Variants in SLC35A3 observed in about 807,000 individuals in gnomAD.
SLC35A3 encodes UDP-N-acetylglucosamine transporter.
Under a neutral mutation model 39.0 loss-of-function variants are expected in SLC35A3, and 26 were observed. That is an observed-to-expected ratio of 0.67 (90% CI 0.49 to 0.92). The LOEUF is 0.92. Ranked by LOEUF, SLC35A3 falls within the 40% of genes least tolerant of loss-of-function variation. The pLI, the probability that SLC35A3 is intolerant of heterozygous loss-of-function variation, is 0.00. For missense variants in SLC35A3, 299 were observed against 371.6 expected (o/e 0.80, Z 1.61); for synonymous variants, 135 against 133.1 (o/e 1.01, Z -0.10).
intron 1 of SLC35A3, among the ~76,000 whole-genome samples, chr1:99,986,505 G>T (rs1162597415): frequency 6.6e-6 from 1 of 151,922 alleles, no homozygotes; most frequent in Admixed American, 6.6e-5. Context: ...TTATTATGGG[G>T]AATGTTTATA....
rs977591028 is a variant in SLC35A3 at position 100,023,259 on chromosome 1, A to G, written c.*783A>G. 6.6e-6 allele frequency: 1 copy of G among 152,190 alleles called. No individual in the cohort carries two copies. Among genetic ancestry groups the G allele is most frequent in the Non-Finnish European group, 1.5e-5 (1 of 68,036 alleles). The allele number at this position is 152,190 out of a possible 1,614,324, so 9.4% of individuals were successfully genotyped here. Reference sequence around the variant, plus strand: ...GCATTTCATTTCTGTAAATCAGATTAAGTCCTTAATATTATTTTAAATTAA... The same window carrying G: ...GCATTTCATTTCTGTAAATCAGATTGAGTCCTTAATATTATTTTAAATTAA... On this transcript the variant is annotated 3_prime_UTR_variant, in exon 8 of 8. Transcript: ENST00000533028.
At chr1:99,978,658 C>T (rs566940158) in intron 1 of SLC35A3, among the ~76,000 whole-genome samples, 8 of 152,254 alleles carry the variant, frequency 5.3e-5, no homozygotes, top group South Asian at 2.1e-4. Context: ...GGAAATGTTA[C>T]GGTTAAACAT....
chr1:99,984,874 G>C (rs1039302784), intron 1 of SLC35A3, among the ~76,000 whole-genome samples: 19 of 152,078 alleles, frequency 1.2e-4, no homozygotes, highest in African/African-American at 4.3e-4. Context: ...TTGGCCATTT[G>C]TATATCTTCT....
chr1:100,015,372 AT>A lies in SLC35A3; in HGVS notation c.711del (p.Gln238ArgfsTer6). Reference sequence around the variant, plus strand: ...ATGGAGAACTGGTATCAAAGAATGGATTTTTTCAGGGATATAACCGACTGAC... The same window carrying A: ...ATGGAGAACTGGTATCAAAGAATGGATTTTTCAGGGATATAACCGACTGAC... ...YDGELVSKNGFFQGYNRLTWI... is the reference protein window; with the variant it reads ...YDGELVSKNGXFQGYNRLTWI... On this transcript the variant is annotated frameshift_variant, in exon 6 of 8. Transcript: ENST00000533028. LOFTEE classifies it high-confidence loss of function. 6.2e-7 allele frequency: 1 copy of A among 1,613,198 alleles called. No homozygotes were observed. Among genetic ancestry groups the A allele is most frequent in the Non-Finnish European group, 8.5e-7 (1 of 1,179,692 alleles).
chr1:100,020,613 GAGCT>G (rs1660465977), intron 7 of SLC35A3, among the ~76,000 whole-genome samples: 1 of 152,078 alleles, frequency 6.6e-6, no homozygotes, highest in African/African-American at 2.4e-5. Context: ...GATAATTACT[GAGCT>G]CCCTATATAT....
chr1:99,991,436 G>A (rs149390606), intron 1 of SLC35A3, among the ~76,000 whole-genome samples: 179 of 152,080 alleles, frequency 1.2e-3, no homozygotes, highest in African/African-American at 4.0e-3. Context: ...GAGCCACCGC[G>A]CCCAGCCACC....
intron 1 of SLC35A3, chr1:99,979,045 A>G (rs1285156953): frequency 6.6e-6 from 1 of 152,228 alleles, no homozygotes; most frequent in Non-Finnish European, 1.5e-5. Flanking sequence ...TCCCTTAGGG[A>G]AGAAAAAATA....
intron 1 of SLC35A3, among the ~76,000 whole-genome samples, chr1:99,972,485 A>G (rs578031787): frequency 6.6e-6 from 1 of 151,212 alleles, no homozygotes; most frequent in South Asian, 2.1e-4. Context: ...ACAGGCGTGC[A>G]TCACCACACC....
chr1:100,011,545 A>G lies in SLC35A3; in HGVS notation c.634+12A>G, dbSNP rs763776700. ...AAATATTCAGCTTGGTAAGTTTTAA[A>G]TGTTTTCTAATATTATTTTAAAAAT... On this transcript the variant is annotated intron_variant, in intron 5 of 7. Transcript: ENST00000533028. 4 of 1,076,710 alleles carry G rather than the reference A, an allele frequency of 3.7e-6. No homozygotes were observed. The highest frequency in any genetic ancestry group is 3.9e-6 in the Non-Finnish European group (3 of 767,688). The allele number at this position is 1,076,710 out of a possible 1,614,324, so 66.7% of individuals were successfully genotyped here. A position where few individuals can be genotyped will look rare whatever the true frequency, so the allele number is the denominator to read the frequency against.
chr1:100,005,410 T>C (rs1659151734), intron 3 of SLC35A3, among the ~76,000 whole-genome samples: 1 of 152,264 alleles, frequency 6.6e-6, no homozygotes, highest in Non-Finnish European at 1.5e-5. Flanking sequence ...AACTAACATA[T>C]GTTTTGAGGG....
At chr1:100,013,187 TA>T (rs1265303232) in intron 5 of SLC35A3, among the ~76,000 whole-genome samples, 3 of 152,244 alleles carry the variant, frequency 2.0e-5, no homozygotes, top group Non-Finnish European at 4.4e-5. Context: ...TTTTATAAAT[TA>T]AAAAACTTTA....
intron 1 of SLC35A3, chr1:99,970,472 G>A: frequency 8.7e-7 from 1 of 1,146,988 alleles, no homozygotes; most frequent in African/African-American, 1.5e-5. Context: ...CTCAGCGCCT[G>A]GTGCGTGCGG....
At chr1:99,975,012 C>T (rs1657032945) in intron 1 of SLC35A3, 1 of 151,718 alleles carries the variant, frequency 6.6e-6, no homozygotes, top group Non-Finnish European at 1.5e-5. Context: ...GGCGCAATCT[C>T]AGCTCACTGC....
intron 4 of SLC35A3, chr1:100,007,704 G>T (rs1198104978): frequency 6.6e-6 from 1 of 152,192 alleles, no homozygotes; most frequent in Non-Finnish European, 1.5e-5. Flanking sequence ...AAGTGACGGG[G>T]TCTCACTGTG....
chr1:99,980,002 C>T (rs1262326489), intron 1 of SLC35A3, among the ~76,000 whole-genome samples: 1 of 151,934 alleles, frequency 6.6e-6, no homozygotes, highest in African/African-American at 2.4e-5. Context: ...CGAGATCACA[C>T]CATTGTACTC....
intron 1 of SLC35A3, chr1:99,970,630 G>C (rs766546388): frequency 1.3e-6 from 2 of 1,536,126 alleles, no homozygotes; most frequent in South Asian, 2.4e-5. Context: ...TAAAGAAATG[G>C]AAAGGCTGCC....
rs377227170 is a variant in SLC35A3, at chr1:99,970,776, T to C, written c.-19+614T>C. 7 of 630,800 alleles carry C rather than the reference T, an allele frequency of 1.1e-5. No individual in the cohort carries two copies. The African/African-American group carries it at 1.1e-4, about 10-fold the overall frequency. The allele number at this position is 630,800 out of a possible 1,614,324, so 39.1% of individuals were successfully genotyped here. A position where few individuals can be genotyped will look rare whatever the true frequency, so the allele number is the denominator to read the frequency against. On this transcript the variant is annotated intron_variant, in intron 1 of 7. Coordinates refer to ENST00000533028, the MANE Select transcript of SLC35A3 (RefSeq NM_012243.3). ...TCTCTTAAATGCAGTATTTGAAAAT[T>C]AAGTCTTTTCGTTTTTGAAATCAAC...
chr1:100,008,033 C>A (rs1487268842), intron 4 of SLC35A3: 1 of 150,330 alleles, frequency 6.7e-6, no homozygotes, highest in Non-Finnish European at 1.5e-5. Flanking sequence ...CTCACTGCAA[C>A]CTCCACCTCC....
At position 100,025,746 on chromosome 1, in the gene SLC35A3, A is replaced by T. The variant is rs41286450; in HGVS notation, c.*3270A>T. 6.6e-6 allele frequency: 1 copy of T among 152,150 alleles called. No homozygotes were observed. Among genetic ancestry groups the T allele is most frequent in the Non-Finnish European group, 1.5e-5 (1 of 68,008 alleles). The allele number at this position is 152,150 out of a possible 1,614,324, so 9.4% of individuals were successfully genotyped here. On this transcript the variant is annotated 3_prime_UTR_variant, in exon 8 of 8. Coordinates refer to ENST00000533028, the MANE Select transcript of SLC35A3 (RefSeq NM_012243.3). ...AGGCCTTACTGTATCAAGCTTTTAT[A>T]ATGATGACTCCTTCATTATTTAAAT...
Sources: gnomAD v4.1 joint callset for allele counts (sites outside exome capture counted in the v4.1 genomes callset) on GRCh38, gnomAD v4.1.1 for gene constraint, MANE v1.5 for transcripts, NCBI Gene and HGNC (gene_info 2026-07-23, HGNC 2026-07-21) for gene names.